NLRC5: variants seen among roughly 807,000 people sequenced by gnomAD.
The protein encoded by NLRC5 is NLR family CARD domain containing 5, also known as protein NLRC5.
NLRC5 carries 114 observed loss-of-function variants against 206.9 expected under a neutral mutation model. The observed-to-expected ratio is 0.55, with a 90% CI of 0.47 to 0.64. The LOEUF is 0.64. Ranked by LOEUF, NLRC5 falls within the 30% of genes least tolerant of loss-of-function variation. The probability of loss-of-function intolerance (pLI) is 0.00; values close to 1 mark genes in which losing one functional copy is unlikely to be tolerated. For missense variants in NLRC5, 2,008 were observed against 2,305.5 expected (o/e 0.87, Z 2.64); for synonymous variants, 952 against 962.8 (o/e 0.99, Z 0.21).
At chr16:57,030,688 A>G (rs1205725363) in intron 10 of NLRC5, among the ~76,000 whole-genome samples, 1 of 152,240 alleles carries the variant, frequency 6.6e-6, no homozygotes, top group Non-Finnish European at 1.5e-5. Flanking sequence ...CAACAAGTCT[A>G]CGAAGCACAG....
At position 57,081,048 on chromosome 16, in the gene NLRC5, C is replaced by T. The variant is rs200250969; in HGVS notation, c.5322-50C>T. On this transcript the variant is annotated intron_variant, in intron 46 of 48. Coordinates refer to ENST00000688547, the MANE Select transcript of NLRC5 (RefSeq NM_001384950.1). ...CCCATTCACTGCCTTGTCTCCACCC[C>T]TCGACCTCCTTGCTCTCCTGCCGCT... 3.2e-4 allele frequency: 477 copies of T among 1,512,618 alleles called. 7 individuals are homozygous for T. In the East Asian group the frequency reaches 7.0e-3, roughly 22 times the overall value. The allele number at this position is 1,512,618 out of a possible 1,614,324, so 93.7% of individuals were successfully genotyped here.
chr16:56,995,179 A>AG (rs1285003123), intron 1 of NLRC5, among the ~76,000 whole-genome samples: 1 of 152,240 alleles, frequency 6.6e-6, no homozygotes, highest in Non-Finnish European at 1.5e-5. Context: ...TCTCAAAAAA[A>AG]GCAACAAACT....
At chr16:56,998,720 G>C (rs1264050235) in intron 1 of NLRC5, among the ~76,000 whole-genome samples, 3 of 152,218 alleles carry the variant, frequency 2.0e-5, no homozygotes, top group African/African-American at 7.2e-5. Flanking sequence ...TGAGACAAGT[G>C]ATATCATGTT....
intron 11 of NLRC5, 79 bp downstream of exon 11, chr16:57,031,542 C>A: frequency 7.4e-7 from 1 of 1,357,506 alleles, no homozygotes. Flanking sequence ...GAAAGGTGAC[C>A]AAGAGACTAG....
rs148294563 is a variant in NLRC5 at position 56,996,894 on chromosome 16, G to A, written c.-128+7277G>A. Among the ~76,000 whole-genome samples, 12 of 152,300 alleles carry A rather than the reference G, an allele frequency of 7.9e-5. No individual in the cohort carries two copies. The East Asian group carries it at 2.1e-3, about 27-fold the overall frequency. On this transcript the variant is annotated intron_variant, in intron 1 of 48. Transcript: ENST00000688547. ...TTTTATTTATTTTGTTTTTGAGACA[G>A]TGTCTCACTCTGTTGCCCACACTGG... is the stretch of plus-strand genomic sequence containing the variant.
chr16:57,010,260 T>C (rs2059351874), intron 1 of NLRC5, among the ~76,000 whole-genome samples: 2 of 152,270 alleles, frequency 1.3e-5, no homozygotes, highest in Admixed American at 1.3e-4. Context: ...CTATATTGTC[T>C]GTTCAACTTT....
In NLRC5 at chr16:57,021,014, G is replaced by A. The variant is rs752502662; in HGVS notation, c.295+7G>A. On this transcript the variant is annotated splice_region_variant and intron_variant, in intron 3 of 48. Transcript: ENST00000688547. Reference sequence around the variant, plus strand: ...ACTTTTGGCTATGATGATGGTAAGGGCAGGTGTGAGAGACGCAAAGCAGCC... The same window carrying A: ...ACTTTTGGCTATGATGATGGTAAGGACAGGTGTGAGAGACGCAAAGCAGCC... The A allele has an allele frequency of 4.3e-6, 7 of 1,611,068 alleles. No homozygotes were observed. The highest frequency in any genetic ancestry group is 5.9e-6 in the Non-Finnish European group (7 of 1,177,506).
intron 24 of NLRC5, among the ~76,000 whole-genome samples, chr16:57,051,969 G>A (rs2064975405): frequency 1.3e-5 from 2 of 152,098 alleles, no homozygotes; most frequent in Admixed American, 1.3e-4. Context: ...CTTAAGAAAT[G>A]GAAGATCTGT....
Position 57,076,737 on chromosome 16 carries a change from C to A in NLRC5, c.4752-82C>A, listed in dbSNP as rs1171762776. 7.5e-6 allele frequency: 10 copies of A among 1,340,322 alleles called. No individual in the cohort carries two copies. The Admixed American group carries it at 1.5e-4, about 20-fold the overall frequency. The allele number at this position is 1,340,322 out of a possible 1,614,324, so 83.0% of individuals were successfully genotyped here. On this transcript the variant is annotated intron_variant, in intron 39 of 48. Transcript: ENST00000688547. The stretch of plus-strand genomic sequence containing the variant: ...GAATTCCTGGGCGTGTAAGGCTTTG[C>A]AAACTGTAGAGTTCTTAGCACAGCA...
intron 14 of NLRC5, among the ~76,000 whole-genome samples, 161 bp from the exon 15 acceptor site, chr16:57,037,034 T>C (rs1348847334): frequency 6.6e-6 from 1 of 152,082 alleles, no homozygotes; most frequent in African/African-American, 2.4e-5. Flanking sequence ...TTTTTTGGCT[T>C]ACTCACACGC....
chr16:57,040,799 C>T, intron 17 of NLRC5, 81 bp downstream of exon 17: 1 of 1,371,646 alleles, frequency 7.3e-7, no homozygotes, highest in Non-Finnish European at 1.0e-6. Flanking sequence ...AAACCTGTGC[C>T]CAGGCCCCAC....
chr16:57,068,298 G>A (rs1597429682), intron 36 of NLRC5, among the ~76,000 whole-genome samples: 1 of 152,206 alleles, frequency 6.6e-6, no homozygotes, highest in South Asian at 2.1e-4. Flanking sequence ...GGGCATGGTG[G>A]TGCATGCCTG....
Position 57,027,016 on chromosome 16 carries a change from C to T in NLRC5, c.2073C>T (p.Leu691=), listed in dbSNP as rs1414462746. 3.1e-6 allele frequency: 5 copies of T among 1,612,472 alleles called. No individual in the cohort carries two copies. The African/African-American group carries it at 4.0e-5, about 13-fold the overall frequency. ...TAGGCTGTGGGCAGATAGAGAATCT[C>T]AGGTGAGTAAGAGTGGAGGAGGACC... The part of the protein sequence containing the change: ...ALVGCGQIEN[L]SFKSRKCGDA... Residue 691 remains leucine, a splice_region_variant and synonymous_variant, in exon 6 of 49, where the codon CTC becomes CTT. Transcript: ENST00000688547.
Position 57,036,134 on chromosome 16 carries a change from C to A in NLRC5, c.2662C>A (p.Arg888=). 6.2e-7 allele frequency: 1 copy of A among 1,613,604 alleles called. No homozygotes were observed. The highest frequency in any genetic ancestry group is 1.1e-5 in the South Asian group (1 of 91,072). ...SGNQLEDEGC[R]LMAEAASQLH... is the part of the protein sequence containing the mutation. ...GAACCAGCTGGAAGATGAAGGCTGT[C>A]GGCTGATGGCAGAGGCTGCATCCCA... The change falls in exon 14 of 49, where the codon CGG becomes AGG. Residue 888 remains arginine, a synonymous_variant. Transcript: ENST00000688547.
At position 57,031,392 on chromosome 16, in the gene NLRC5, C is replaced by G. The variant is rs202063521; in HGVS notation, c.2418-12C>G. 5.0e-6 allele frequency: 8 copies of G among 1,613,680 alleles called. No individual in the cohort carries two copies. The Admixed American group carries it at 5.0e-5, about 10-fold the overall frequency. On this transcript the variant is annotated splice_polypyrimidine_tract_variant and intron_variant, in intron 10 of 48. Transcript: ENST00000688547. ...GTCTCTGGGTTTCATGGCTTGGTAT[C>G]TGATCCTGCAGGGAGGCGGACCTCA...
At chr16:57,034,442 G>A (rs1407794431) in intron 13 of NLRC5, 191 bp downstream of exon 13, 5 of 580,364 alleles carry the variant, frequency 8.6e-6, no homozygotes, top group Non-Finnish European at 1.5e-5. Flanking sequence ...GCTAGGGACT[G>A]TACATGCCTC....
intron 26 of NLRC5, 111 bp downstream of exon 26, chr16:57,055,205 TG>T (rs1186550456): frequency 8.4e-7 from 1 of 1,193,062 alleles, no homozygotes; most frequent in African/African-American, 1.5e-5. Context: ...AACATTCCCC[TG>T]GAACAACCCT....
At position 57,042,012 on chromosome 16, in the gene NLRC5, T is replaced by G; in HGVS notation, c.3060T>G (p.Gly1020=). ...CAGGCAATGCTCTGGGGGATGAAGG[T>G]GCAGCCCGGCTGGCTCAGCTGCTCC... ...DFSGNALGDE[G]AARLAQLLPG... The change falls in exon 19 of 49, where the codon GGT becomes GGG. Residue 1020 remains glycine (G), a synonymous_variant. Transcript: ENST00000688547. The G allele has an allele frequency of 6.3e-7, 1 of 1,578,344 alleles. No homozygotes were observed. Among genetic ancestry groups the G allele is most frequent in the Non-Finnish European group, 8.6e-7 (1 of 1,165,832 alleles).
intron 10 of NLRC5, 103 bp downstream of exon 10, chr16:57,030,187 G>A (rs765782622): frequency 1.6e-5 from 15 of 915,140 alleles, no homozygotes; most frequent in Non-Finnish European, 2.4e-5. Flanking sequence ...GGATAAATCT[G>A]TGCATACCCT....
Sources: gnomAD v4.1 joint callset for allele counts (sites outside exome capture counted in the v4.1 genomes callset) on GRCh38, gnomAD v4.1.1 for gene constraint, MANE v1.5 for transcripts, NCBI Gene and HGNC (gene_info 2026-07-23, HGNC 2026-07-21) for gene names.